The following YEATS2 variants were observed in gnomAD, a reference collection of about 807,000 sequenced individuals.
The protein encoded by YEATS2 is YEATS domain containing 2.
In YEATS2, 77 loss-of-function variants were observed where a neutral mutation model predicts 163.2. The ratio of observed to expected loss-of-function variants is 0.47; its 90% confidence interval spans 0.39 to 0.57. YEATS2 has a LOEUF of 0.57. Among genes scored for constraint, YEATS2 ranks in the 20% least tolerant of loss-of-function variants. The pLI is 0.00. For missense variants in YEATS2, 1,549 were observed against 1,729.8 expected (o/e 0.90, Z 1.85); for synonymous variants, 631 against 645.1 (o/e 0.98, Z 0.33).
chr3:183,724,345 T>G (rs997255439), intron 5 of YEATS2, 74 bp from the exon 6 acceptor site: 2 of 1,128,988 alleles, frequency 1.8e-6, no homozygotes, highest in African/African-American at 3.2e-5. Context: ...TTTATACTTT[T>G]TACAATTTTG....
chr3:183,782,931 T>A (rs1723719698), intron 19 of YEATS2, among the ~76,000 whole-genome samples: 1 of 152,270 alleles, frequency 6.6e-6, no homozygotes, highest in South Asian at 2.1e-4. Context: ...GGTTGTACTG[T>A]TTGACTATCC....
intron 4 of YEATS2, among the ~76,000 whole-genome samples, chr3:183,720,544 G>A (rs1370441806): frequency 6.6e-6 from 1 of 152,082 alleles, no homozygotes; most frequent in African/African-American, 2.4e-5. Context: ...GGTGCTCTAG[G>A]GACACCTGGT....
intron 1 of YEATS2, among the ~76,000 whole-genome samples, chr3:183,705,805 CG>C (rs2108976527): frequency 6.6e-6 from 1 of 152,124 alleles, no homozygotes; most frequent in East Asian, 1.9e-4. Context: ...TTTGGGAGGC[CG>C]GGGCAGGCAG....
At chr3:183,801,631 G>T in intron 25 of YEATS2, 103 bp downstream of exon 25, 4 of 868,034 alleles carry the variant, frequency 4.6e-6, no homozygotes, top group Non-Finnish European at 7.0e-6. Flanking sequence ...ATATTGATAT[G>T]GCGGTTACCT....
At chr3:183,729,611 C>T (rs1395835098) in intron 7 of YEATS2, among the ~76,000 whole-genome samples, 1 of 151,942 alleles carries the variant, frequency 6.6e-6, no homozygotes, top group East Asian at 1.9e-4. Flanking sequence ...GATTATTTCA[C>T]CAAGATGGAA....
chr3:183,764,147 G>A (rs1339649940), intron 15 of YEATS2, among the ~76,000 whole-genome samples: 1 of 152,062 alleles, frequency 6.6e-6, no homozygotes, highest in African/African-American at 2.4e-5. Context: ...TGAGGCGTGC[G>A]TTATCACCTG....
Position 183,762,168 on chromosome 3 carries a change from C to T in YEATS2, c.1836C>T (p.Leu612=), listed in dbSNP as rs773368151. The T allele has an allele frequency of 4.3e-6, 7 of 1,614,162 alleles. No homozygotes were observed. Among genetic ancestry groups the T allele is most frequent in the Admixed American group, 3.3e-5 (2 of 60,022 alleles). The change falls in exon 15 of 31, where the codon CTC becomes CTT. Residue 612 remains leucine (L), a synonymous_variant. Transcript: ENST00000305135. ...PATGAASQSP[L]PQYVTVKGGH... The stretch of plus-strand genomic sequence containing the variant: ...CAGGAGCTGCCAGCCAGTCACCACT[C>T]CCGCAGTATGTGACTGTGAAAGGGG...
intron 5 of YEATS2, among the ~76,000 whole-genome samples, chr3:183,723,118 TCAA>T (rs1218009140): frequency 6.6e-6 from 1 of 152,254 alleles, no homozygotes; most frequent in Non-Finnish European, 1.5e-5. Context: ...CAGCCGTTCT[TCAA>T]CGGTTTCCTC....
chr3:183,698,715 A>G (rs1713752501), intron 1 of YEATS2, among the ~76,000 whole-genome samples: 1 of 152,334 alleles, frequency 6.6e-6, no homozygotes, highest in South Asian at 2.1e-4. Flanking sequence ...AGCATTCAGC[A>G]GTTACAGAGT....
chr3:183,762,520 A>C (rs895777573), intron 15 of YEATS2, among the ~76,000 whole-genome samples: 1 of 152,204 alleles, frequency 6.6e-6, no homozygotes, highest in Non-Finnish European at 1.5e-5. Flanking sequence ...AGGCAGGGGA[A>C]CACTGCTGTC....
chr3:183,742,367 A>G (rs540098899), intron 8 of YEATS2, among the ~76,000 whole-genome samples: 212 of 152,332 alleles, frequency 1.4e-3, no homozygotes, highest in African/African-American at 5.0e-3. Context: ...TTTGTGATTC[A>G]TGAGAGGAGG....
intron 20 of YEATS2, among the ~76,000 whole-genome samples, chr3:183,789,605 G>T (rs753523847): frequency 7.7e-6 from 1 of 129,974 alleles, no homozygotes; most frequent in Non-Finnish European, 1.5e-5. Context: ...GCGCGATCTC[G>T]GCTCACTGCA....
At chr3:183,760,898 A>C (rs1255116929) in intron 13 of YEATS2, among the ~76,000 whole-genome samples, 1 of 152,124 alleles carries the variant, frequency 6.6e-6, no homozygotes, top group South Asian at 2.1e-4. Flanking sequence ...TTAGTGGTTT[A>C]CCAACTATCG....
At chr3:183,705,970 C>T (rs1577026531) in intron 1 of YEATS2, among the ~76,000 whole-genome samples, 1 of 150,412 alleles carries the variant, frequency 6.6e-6, no homozygotes, top group African/African-American at 2.5e-5. Flanking sequence ...ACCCGGGAGG[C>T]GGAGCTTGTA....
chr3:183,747,248 A>G (rs540274137), intron 8 of YEATS2, among the ~76,000 whole-genome samples: 1 of 152,294 alleles, frequency 6.6e-6, no homozygotes, highest in East Asian at 1.9e-4. Context: ...CCTGTCATTT[A>G]AAATATCTGT....
chr3:183,736,683 C>T lies in YEATS2; in HGVS notation c.813-35C>T, dbSNP rs375422515. The T allele has an allele frequency of 4.4e-5, 68 of 1,550,938 alleles. No homozygotes were observed. The African/African-American group carries it at 8.2e-4, about 19-fold the overall frequency. On this transcript the variant is annotated intron_variant, in intron 7 of 30. Coordinates refer to ENST00000305135, the MANE Select transcript of YEATS2 (RefSeq NM_018023.5). ...TTCCTGTGTAGGATGAGAGAGTGAA[C>T]ATGGATGAACGTGTTAATATCTGCT... is the stretch of plus-strand genomic sequence containing the variant.
intron 5 of YEATS2, among the ~76,000 whole-genome samples, chr3:183,722,466 T>G (rs1033797418): frequency 1.3e-5 from 2 of 151,990 alleles, no homozygotes; most frequent in African/African-American, 4.8e-5. Flanking sequence ...TTTTTTTATA[T>G]TTTTAGTAGA....
In YEATS2 at chr3:183,756,579, C is replaced by G; in HGVS notation, c.1442C>G (p.Ser481Cys). The change falls in exon 12 of 31, where the codon TCC becomes TGC. Residue 481 changes from serine to cysteine, a missense_variant. By Grantham distance (112) the Ser-to-Cys change is moderately radical. Coordinates refer to ENST00000305135, the MANE Select transcript of YEATS2 (RefSeq NM_018023.5). ...SPSPLPRTPT[S>C]TPVHVKQGTA... ...TCACCATTGCCTCGAACCCCGACTT[C>G]CACTCCAGTCCACGTGAAGCAAGGC... 6.2e-7 allele frequency: 1 copy of G among 1,606,952 alleles called. No homozygotes were observed. Among genetic ancestry groups the G allele is most frequent in the Non-Finnish European group, 8.5e-7 (1 of 1,176,820 alleles).
intron 1 of YEATS2, among the ~76,000 whole-genome samples, chr3:183,711,274 T>C (rs779244489): frequency 2.7e-4 from 41 of 151,730 alleles, no homozygotes; most frequent in Non-Finnish European, 5.0e-4. Context: ...ATTGAGACCA[T>C]CCTGGCTAAC....
Sources: allele counts gnomAD v4.1 joint callset (sites outside exome capture counted in the v4.1 genomes callset), GRCh38; gene constraint gnomAD v4.1.1; transcripts MANE v1.5; gene names NCBI Gene and HGNC (gene_info 2026-07-23, HGNC 2026-07-21).